The following ATF6 variants were observed in gnomAD, a reference collection of about 807,000 sequenced individuals.
ATF6 encodes activating transcription factor 6.
ATF6 carries 53 observed loss-of-function variants against 83.6 expected under a neutral mutation model. The observed-to-expected ratio is 0.63, with a 90% CI of 0.51 to 0.80. The LOEUF (loss-of-function observed/expected upper bound fraction) is 0.80. Among genes scored for constraint, ATF6 ranks in the 30% least tolerant of loss-of-function variants. ATF6 has a pLI of 0.00. For missense variants in ATF6, 744 were observed against 797.9 expected (o/e 0.93, Z 0.81); for synonymous variants, 288 against 285.8 (o/e 1.01, Z -0.08).
intron 5 of ATF6, 104 bp downstream of exon 5, chr1:161,791,641 C>T: frequency 3.0e-6 from 4 of 1,328,652 alleles, no homozygotes; most frequent in South Asian, 1.5e-5. Context: ...ATTAGGCTGG[C>T]TTGCTGTTTT....
intron 14 of ATF6, 53 bp from the exon 15 acceptor site, chr1:161,912,243 T>G: frequency 7.3e-7 from 1 of 1,372,782 alleles, no homozygotes; most frequent in Non-Finnish European, 1.0e-6. Context: ...TTTGGCCTGT[T>G]CTAGGACTAA....
intron 1 of ATF6, 132 bp downstream of exon 1, chr1:161,766,574 C>T (rs1684269165): frequency 1.4e-6 from 1 of 691,474 alleles, no homozygotes; most frequent in East Asian, 2.8e-5. Context: ...CTCGTCACTC[C>T]TGTTCGTGCC....
rs764946627 is a variant in ATF6 at position 161,851,805 on chromosome 1, A to G, written c.1403A>G (p.Gln468Arg). Residue 468 changes from glutamine to arginine, a missense_variant, in exon 11 of 16, where the codon CAG becomes CGG. Physicochemically the swap from Gln to Arg is conservative, Grantham distance 43. Transcript: ENST00000367942. ...CTTTACATTCCTCCACCTCCTTGTC[A>G]GCCCCTAATTAACACAACAGAGTCT... ...PLLYIPPPPC[Q>R]PLINTTESLR... The G allele has an allele frequency of 6.2e-7, 1 of 1,613,738 alleles. No homozygotes were observed. Among genetic ancestry groups the G allele is most frequent in the Non-Finnish European group, 8.5e-7 (1 of 1,179,660 alleles).
chr1:161,857,314 C>T (rs115258990), intron 12 of ATF6, among the ~76,000 whole-genome samples: 1,943 of 152,002 alleles, frequency 0.013, 44 homozygotes, highest in African/African-American at 0.044. Flanking sequence ...AGCATTATGT[C>T]TTATAAAATA....
At chr1:161,789,253 T>A (rs1684823949) in intron 4 of ATF6, among the ~76,000 whole-genome samples, 1 of 71,552 alleles carries the variant, frequency 1.4e-5, no homozygotes, top group African/African-American at 1.9e-4. Flanking sequence ...TTCCTTCTCC[T>A]TTTTTTTTTT....
At chr1:161,880,245 T>C (rs1249700023) in intron 14 of ATF6, among the ~76,000 whole-genome samples, 5 of 152,128 alleles carry the variant, frequency 3.3e-5, no homozygotes, top group Non-Finnish European at 7.4e-5. Flanking sequence ...AGGTGAAGAT[T>C]CATTTTTTAA....
At chr1:161,819,331 A>G (rs754146664) in intron 7 of ATF6, among the ~76,000 whole-genome samples, 3 of 152,190 alleles carry the variant, frequency 2.0e-5, no homozygotes, top group Non-Finnish European at 4.4e-5. Flanking sequence ...GTATATATGC[A>G]TATATATTTA....
chr1:161,945,506 G>T (rs1023532898), intron 15 of ATF6, among the ~76,000 whole-genome samples: 1 of 152,162 alleles, frequency 6.6e-6, no homozygotes, highest in Admixed American at 6.5e-5. Flanking sequence ...GGACTTCACA[G>T]ATAAGTCTTG....
At chr1:161,796,210 G>A (rs953021456) in intron 6 of ATF6, among the ~76,000 whole-genome samples, 3 of 152,158 alleles carry the variant, frequency 2.0e-5, no homozygotes, top group African/African-American at 7.2e-5. Flanking sequence ...CATGTTATCT[G>A]CTAGGGCTTT....
At chr1:161,855,109 G>A (rs917820528) in intron 12 of ATF6, among the ~76,000 whole-genome samples, 21 of 152,232 alleles carry the variant, frequency 1.4e-4, no homozygotes, top group Non-Finnish European at 2.8e-4. Context: ...CCATTGAAAG[G>A]TTTGAGTAGG....
At chr1:161,779,252 A>G (rs1379445587) in intron 2 of ATF6, among the ~76,000 whole-genome samples, 1 of 152,246 alleles carries the variant, frequency 6.6e-6, no homozygotes, top group Non-Finnish European at 1.5e-5. Flanking sequence ...ATTTCATAAC[A>G]TCTAGAATCC....
chr1:161,958,096 C>T (rs1385827046), intron 15 of ATF6, among the ~76,000 whole-genome samples: 1 of 152,124 alleles, frequency 6.6e-6, no homozygotes, highest in African/African-American at 2.4e-5. Flanking sequence ...CACTAAAAAG[C>T]CCTTCTGTTC....
In ATF6 at chr1:161,962,496, T is replaced by G. The variant is rs1689121508; in HGVS notation, c.*3842T>G. 1.3e-5 allele frequency: 2 copies of G among 152,248 alleles called. No homozygotes were observed. Among genetic ancestry groups the G allele is most frequent in the African/African-American group, 4.8e-5 (2 of 41,476 alleles). 9.4% of individuals were successfully genotyped at this position (152,248 alleles called of 1,614,324 possible). On this transcript the variant is annotated 3_prime_UTR_variant, in exon 16 of 16. Transcript: ENST00000367942. The stretch of plus-strand genomic sequence containing the variant: ...TTGATTCTTGCCATTTTACCAAGCT[T>G]AGGTTGTGAAACTTGACAGAAATGT...
At chr1:161,789,508 A>G (rs1684830488) in intron 4 of ATF6, among the ~76,000 whole-genome samples, 2 of 151,336 alleles carry the variant, frequency 1.3e-5, no homozygotes, top group South Asian at 4.2e-4. Flanking sequence ...TTTTTTTTTC[A>G]GTGGATTGTT....
At chr1:161,820,070 C>T (rs1002437924) in intron 8 of ATF6, among the ~76,000 whole-genome samples, 1 of 152,154 alleles carries the variant, frequency 6.6e-6, no homozygotes, top group Non-Finnish European at 1.5e-5. Flanking sequence ...CCTTAGCACC[C>T]TCTTTTCTGG....
chr1:161,948,044 G>A (rs576637847), intron 15 of ATF6, among the ~76,000 whole-genome samples: 3 of 151,930 alleles, frequency 2.0e-5, no homozygotes, highest in South Asian at 2.1e-4. Flanking sequence ...GGCTGGTCTC[G>A]AACTCCTGAC....
chr1:161,775,025 A>C (rs1376063282), intron 1 of ATF6, among the ~76,000 whole-genome samples: 1 of 152,204 alleles, frequency 6.6e-6, no homozygotes, highest in Non-Finnish European at 1.5e-5. Flanking sequence ...GTGCAAAATA[A>C]GCCTGGAAAA....
intron 1 of ATF6, among the ~76,000 whole-genome samples, chr1:161,773,188 T>C (rs1350405024): frequency 6.7e-6 from 1 of 149,586 alleles, no homozygotes; most frequent in African/African-American, 2.5e-5. Flanking sequence ...CAGGCTGGAG[T>C]GCAGTGGCTC....
chr1:161,799,695 AAT>A (rs1162647131), intron 6 of ATF6, among the ~76,000 whole-genome samples: 8 of 152,252 alleles, frequency 5.3e-5, no homozygotes, highest in Non-Finnish European at 1.0e-4. Context: ...AAATCCATGA[AAT>A]TATTTTTAGA....
Sources: allele counts gnomAD v4.1 joint callset (sites outside exome capture counted in the v4.1 genomes callset), GRCh38; gene constraint gnomAD v4.1.1; transcripts MANE v1.5; gene names NCBI Gene and HGNC (gene_info 2026-07-23, HGNC 2026-07-21).